Variants in HERC4 observed in about 807,000 individuals in gnomAD.
The protein encoded by HERC4 is HECT and RLD domain containing E3 ubiquitin protein ligase 4, also known as probable E3 ubiquitin-protein ligase HERC4.
A neutral mutation model predicts 124.3 loss-of-function variants in HERC4; 28 were observed. The ratio of observed to expected loss-of-function variants is 0.23; its 90% CI spans 0.17 to 0.31. The LOEUF (loss-of-function observed/expected upper bound fraction) is 0.31. HERC4 is among the 10% of genes least tolerant of loss of function. The pLI is 1.00. For missense variants in HERC4, 713 were observed against 1,229.3 expected (o/e 0.58, Z 6.28); for synonymous variants, 407 against 421.5 (o/e 0.97, Z 0.42).
intron 3 of HERC4, among the ~76,000 whole-genome samples, chr10:68,063,030 T>C (rs1318879238): frequency 6.6e-6 from 1 of 152,172 alleles, no homozygotes; most frequent in African/African-American, 2.4e-5. Context: ...CAAACTTGCC[T>C]GTTGCCATCT....
chr10:67,955,109 T>G lies in HERC4; in HGVS notation c.2047A>C (p.Arg683=), dbSNP rs142293022. The change falls in exon 18 of 25, where the codon AGG becomes CGG. Residue 683 remains arginine (R), a synonymous_variant. Coordinates refer to ENST00000373700, the MANE Select transcript of HERC4 (RefSeq NM_015601.4). ...AGAAAAAGAGAGGAGACATTCTGCC[T>G]GTGGGCCTGATCAATAGCCATCTGG... is the stretch of plus-strand genomic sequence containing the variant. ...QMQMAIDQAH[R]QNVSSLFLPV... 1.4e-5 allele frequency: 22 copies of G among 1,585,798 alleles called. No individual in the cohort carries two copies. In the African/African-American group the frequency reaches 3.0e-4, roughly 22 times the overall value.
In HERC4 at chr10:67,992,693, A is replaced by C; in HGVS notation, c.1070-11T>G. 1 of 1,370,268 alleles carries C rather than the reference A, an allele frequency of 7.3e-7. No individual in the cohort carries two copies. Among genetic ancestry groups the C allele is most frequent in the Non-Finnish European group, 1.0e-6 (1 of 986,694 alleles). The allele number at this position is 1,370,268 out of a possible 1,614,324, so 84.9% of individuals were successfully genotyped here. On this transcript the variant is annotated splice_polypyrimidine_tract_variant and intron_variant, in intron 9 of 24. Coordinates refer to ENST00000373700, the MANE Select transcript of HERC4 (RefSeq NM_015601.4). ...AATATTCTTCAGAATCTGTAATAAA[A>C]ATGTAAAAAATTAAAAGCCAAGATT... is the stretch of plus-strand genomic sequence containing the variant.
At chr10:67,965,652 C>T (rs765785136) in intron 16 of HERC4, 1 of 152,260 alleles carries the variant, frequency 6.6e-6, no homozygotes, top group Middle Eastern at 3.4e-3. Flanking sequence ...TTTTTTAGTG[C>T]TTACTAGACA....
At chr10:67,945,823 C>T (rs540082248) in intron 19 of HERC4, among the ~76,000 whole-genome samples, 5 of 150,370 alleles carry the variant, frequency 3.3e-5, no homozygotes, top group South Asian at 2.1e-4. Flanking sequence ...AAAAAACATA[C>T]GACAGATACA....
rs145584969 is a variant in HERC4 at position 67,994,983 on chromosome 10, T to G, written c.1070-2301A>C. ...GGGATTACAGGTGTGAGCCACTGCA[T>G]CCTATCCTTAATTTCCTTTTAATCA... On this transcript the variant is annotated intron_variant, in intron 9 of 24. Coordinates refer to ENST00000373700, the MANE Select transcript of HERC4 (RefSeq NM_015601.4). 2.2e-3 allele frequency: 572 copies of G among 257,380 alleles called. 4 individuals are homozygous for G. The highest frequency in any genetic ancestry group is 0.012 in the African/African-American group (541 of 43,704). 15.9% of individuals were successfully genotyped at this position (257,380 alleles called of 1,614,324 possible).
intron 19 of HERC4, among the ~76,000 whole-genome samples, chr10:67,946,348 AACACACACACACACAC>A (rs58692888): frequency 0.085 from 10,980 of 128,518 alleles, 539 homozygotes; most frequent in Non-Finnish European, 0.12. Context: ...ATAAAACACA[AACACACACACACACAC>A]ACACACACAC....
chr10:67,963,085 T>C (rs1483184652), intron 16 of HERC4, among the ~76,000 whole-genome samples: 1 of 152,258 alleles, frequency 6.6e-6, no homozygotes, highest in Non-Finnish European at 1.5e-5. Context: ...AGGTGGGATT[T>C]GAATCCAGGC....
intron 2 of HERC4, among the ~76,000 whole-genome samples, 178 bp from the exon 3 acceptor site, chr10:68,073,364 TA>T (rs957629085): frequency 1.3e-5 from 2 of 152,194 alleles, no homozygotes; most frequent in Non-Finnish European, 2.9e-5. Flanking sequence ...AAATGTATCA[TA>T]CAGAAATTTT....
Position 68,034,098 on chromosome 10 carries a change from A to T in HERC4, c.552T>A (p.Leu184=). 6.2e-7 allele frequency: 1 copy of T among 1,614,160 alleles called. No individual in the cohort carries two copies. The change falls in exon 6 of 25, where the codon CTT becomes CTA. Residue 184 remains leucine (L), a synonymous_variant. Coordinates refer to ENST00000373700, the MANE Select transcript of HERC4 (RefSeq NM_015601.4). Reference sequence around the variant, plus strand: ...TGAAAGGGATTCCAAGCAAAGACTTAAGCAGCTGCGGTGAAGTTTGCTTTT... The same window carrying T: ...TGAAAGGGATTCCAAGCAAAGACTTTAGCAGCTGCGGTGAAGTTTGCTTTT... ...DCKKQTSPQL[L]KSLLGIPFMQ...
intron 19 of HERC4, among the ~76,000 whole-genome samples, chr10:67,947,839 C>CTTTTTTTTTTTTT (rs34189806): frequency 5.6e-5 from 6 of 107,304 alleles, no homozygotes; most frequent in Non-Finnish European, 1.1e-4. Flanking sequence ...ACAATACACT[C>CTTTTTTTTTTTTT]TTTTTTTTTT....
intron 4 of HERC4, chr10:68,039,398 C>G (rs1199461720): frequency 6.5e-7 from 1 of 1,549,458 alleles, no homozygotes; most frequent in South Asian, 1.2e-5. Flanking sequence ...TTTCCCTTTA[C>G]CTGATACTGT....
chr10:68,010,545 AG>A, intron 9 of HERC4: 1 of 994,052 alleles, frequency 1.0e-6, no homozygotes, highest in East Asian at 2.6e-5. Context: ...CAGGCGCTGC[AG>A]GAACACATTC....
intron 19 of HERC4, among the ~76,000 whole-genome samples, chr10:67,945,012 G>A (rs1437236144): frequency 6.6e-6 from 1 of 152,174 alleles, no homozygotes; most frequent in Non-Finnish European, 1.5e-5. Context: ...AGGGGGTAGA[G>A]AAAGAAATGG....
chr10:67,982,197 T>C (rs2035973621), intron 15 of HERC4, among the ~76,000 whole-genome samples: 2 of 152,124 alleles, frequency 1.3e-5, no homozygotes, highest in Admixed American at 6.6e-5. Flanking sequence ...AGGAATCATA[T>C]TACCTGACTT....
chr10:68,013,761 A>C (rs2038105082), intron 9 of HERC4, among the ~76,000 whole-genome samples: 1 of 152,154 alleles, frequency 6.6e-6, no homozygotes, highest in Admixed American at 6.5e-5. Flanking sequence ...GAAAACAAAA[A>C]ACCTCCCTCC....
intron 15 of HERC4, among the ~76,000 whole-genome samples, chr10:67,980,798 A>T (rs2035885201): frequency 6.6e-6 from 1 of 152,174 alleles, no homozygotes; most frequent in South Asian, 2.1e-4. Context: ...CTTTTTGCTT[A>T]TTTGTTTATA....
At chr10:67,929,733 T>C (rs2031569368) in intron 23 of HERC4, among the ~76,000 whole-genome samples, 1 of 152,138 alleles carries the variant, frequency 6.6e-6, no homozygotes, top group South Asian at 2.1e-4. Context: ...CAGGCTGGTC[T>C]TGAACTCCTG....
At chr10:67,997,819 T>G (rs751386994) in intron 9 of HERC4, among the ~76,000 whole-genome samples, 5 of 152,182 alleles carry the variant, frequency 3.3e-5, no homozygotes, top group Non-Finnish European at 5.9e-5. Context: ...TTGTACGAGG[T>G]GGAAGAAACA....
At chr10:68,045,887 T>C (rs1589412022) in intron 3 of HERC4, among the ~76,000 whole-genome samples, 1 of 152,178 alleles carries the variant, frequency 6.6e-6, no homozygotes, top group African/African-American at 2.4e-5. Context: ...GAAATTCCTA[T>C]CTATACAGAA....
Sources: gnomAD v4.1 joint callset for allele counts (sites outside exome capture counted in the v4.1 genomes callset) on GRCh38, gnomAD v4.1.1 for gene constraint, MANE v1.5 for transcripts, NCBI Gene and HGNC (gene_info 2026-07-23, HGNC 2026-07-21) for gene names.